NEK9: variants seen among roughly 807,000 people sequenced by gnomAD.
NEK9 encodes NIMA related kinase 9, also known as serine/threonine-protein kinase Nek9.
In NEK9, 75 loss-of-function variants were observed where a neutral mutation model predicts 123.4. That is an observed-to-expected ratio of 0.61 (90% CI 0.50 to 0.74). The LOEUF is 0.74. Among genes scored for constraint, NEK9 ranks in the 30% least tolerant of loss-of-function variants. The probability of loss-of-function intolerance (pLI) is 0.00; values close to 1 mark genes in which losing one functional copy is unlikely to be tolerated. For missense variants in NEK9, 952 were observed against 1,214.4 expected (o/e 0.78, Z 3.21); for synonymous variants, 438 against 458.7 (o/e 0.95, Z 0.58).
chr14:75,109,537 A>G, intron 10 of NEK9, 148 bp downstream of exon 10: 1 of 680,204 alleles, frequency 1.5e-6, no homozygotes, highest in Non-Finnish European at 2.4e-6. Flanking sequence ...AAACAGACAA[A>G]ATCCCTGCTC....
At chr14:75,111,859 C>T (rs184928140) in intron 8 of NEK9, among the ~76,000 whole-genome samples, 219 of 152,134 alleles carry the variant, frequency 1.4e-3, no homozygotes, top group African/African-American at 5.1e-3. Flanking sequence ...CCACTGCACT[C>T]CAGCCTGGGC....
chr14:75,110,291 AT>A, intron 9 of NEK9, 29 bp downstream of exon 9: 1 of 1,562,212 alleles, frequency 6.4e-7, no homozygotes, highest in African/African-American at 1.4e-5. Flanking sequence ...TTTCGGATAT[AT>A]TAGTTTTTAA....
At chr14:75,108,514 CGTGTGTGT>C (rs35358755) in intron 10 of NEK9, among the ~76,000 whole-genome samples, 93 of 147,916 alleles carry the variant, frequency 6.3e-4, no homozygotes, top group East Asian at 3.6e-3. Flanking sequence ...TGTGCGTGTG[CGTGTGTGT>C]GTGTGTGTGT....
At chr14:75,107,241 G>T in intron 11 of NEK9, 102 bp downstream of exon 11, 2 of 1,244,892 alleles carry the variant, frequency 1.6e-6, no homozygotes, top group South Asian at 1.4e-5. Context: ...CTGGTTCTTT[G>T]TATACTGTCT....
At chr14:75,093,357 A>C (rs777327739) in intron 18 of NEK9, among the ~76,000 whole-genome samples, 2 of 152,232 alleles carry the variant, frequency 1.3e-5, no homozygotes, top group Non-Finnish European at 2.9e-5. Context: ...CCTCCTACCC[A>C]GATGAAACCA....
chr14:75,125,763 A>G (rs554346324), intron 1 of NEK9, among the ~76,000 whole-genome samples: 3 of 152,344 alleles, frequency 2.0e-5, no homozygotes, highest in East Asian at 3.9e-4. Context: ...TTTCAGCCTT[A>G]AAAGTATGCT....
chr14:75,111,295 C>T (rs1894950833), intron 8 of NEK9, among the ~76,000 whole-genome samples: 1 of 152,184 alleles, frequency 6.6e-6, no homozygotes, highest in Non-Finnish European at 1.5e-5. Context: ...TCAATTATAG[C>T]TGAGCTCCTA....
intron 8 of NEK9, among the ~76,000 whole-genome samples, chr14:75,110,672 A>G (rs988567861): frequency 2.0e-5 from 3 of 151,902 alleles, no homozygotes; most frequent in African/African-American, 7.3e-5. Context: ...TTAGTATCTG[A>G]TGGACACCTT....
At chr14:75,105,428 G>A (rs1894737923) in intron 13 of NEK9, among the ~76,000 whole-genome samples, 1 of 152,202 alleles carries the variant, frequency 6.6e-6, no homozygotes, top group Non-Finnish European at 1.5e-5. Context: ...AGATGTGACT[G>A]TGCTTTTCCC....
In NEK9 at chr14:75,082,047, G is replaced by A. The variant is rs575782343; in HGVS notation, c.*2517C>T. 38 of 152,276 alleles carry A rather than the reference G, an allele frequency of 2.5e-4. 1 individual carries two copies. The highest frequency in any genetic ancestry group is 2.3e-3 in the South Asian group (11 of 4,826). 9.4% of individuals were successfully genotyped at this position (152,276 alleles called of 1,614,324 possible). ...AAGACTCACAGAATCAAAGATTCACGGAGGCTTAGAATCTGGATGTTTTAT... is the reference window on the plus strand; with the variant it reads ...AAGACTCACAGAATCAAAGATTCACAGAGGCTTAGAATCTGGATGTTTTAT... On this transcript the variant is annotated 3_prime_UTR_variant, in exon 22 of 22. Coordinates refer to ENST00000238616, the MANE Select transcript of NEK9 (RefSeq NM_033116.6).
chr14:75,121,252 G>T, intron 2 of NEK9, 78 bp from the exon 3 acceptor site: 2 of 1,086,348 alleles, frequency 1.8e-6, no homozygotes, highest in South Asian at 2.7e-5. Flanking sequence ...TTTTTTAGGT[G>T]ACACAAGGAA....
chr14:75,101,726 C>T lies in NEK9; in HGVS notation c.1771G>A (p.Ala591Thr). Residue 591 changes from alanine to threonine, a missense_variant, in exon 15 of 22, where the codon GCC (alanine) becomes ACC (threonine). Transcript: ENST00000238616. ...ATCTTATAAAAGGACAACTGTTTGG[C>T]CAAGGTAAAGGACGTTGTGTAGGGA... is the stretch of plus-strand genomic sequence containing the variant. ...EVPYTTSFTL[A>T]KQLSFYKIRT... The T allele has an allele frequency of 6.2e-7, 1 of 1,613,888 alleles. No individual in the cohort carries two copies. The highest frequency in any genetic ancestry group is 1.3e-5 in the African/African-American group (1 of 74,990).
intron 12 of NEK9, 108 bp downstream of exon 12, chr14:75,106,387 ATTTACTG>A (rs1470870345): frequency 1.7e-5 from 10 of 600,668 alleles, no homozygotes; most frequent in South Asian, 3.7e-5. Flanking sequence ...AAAAAAAAAG[ATTTACTG>A]AATTAACACT....
Position 75,121,101 on chromosome 14 carries a change from C to T in NEK9, c.453+18G>A. On this transcript the variant is annotated intron_variant, in intron 3 of 21. Coordinates refer to ENST00000238616, the MANE Select transcript of NEK9 (RefSeq NM_033116.6). Reference sequence around the variant, plus strand: ...CAACACTACAATTCTAACTTCCTTCCACAGAAATATGAATTACCTCTTCCT... The same window carrying T: ...CAACACTACAATTCTAACTTCCTTCTACAGAAATATGAATTACCTCTTCCT... The T allele has an allele frequency of 6.3e-7, 1 of 1,593,802 alleles. No homozygotes were observed. The highest frequency in any genetic ancestry group is 8.6e-7 in the Non-Finnish European group (1 of 1,161,592).
At chr14:75,106,356 CT>C (rs1894772942) in intron 12 of NEK9, 145 bp downstream of exon 12, 1 of 650,660 alleles carries the variant, frequency 1.5e-6, no homozygotes, top group Non-Finnish European at 2.4e-6. Flanking sequence ...GAGACTCTGT[CT>C]CGAGAAAAAA....
At chr14:75,120,089 T>C (rs1284416495) in intron 4 of NEK9, among the ~76,000 whole-genome samples, 1 of 152,226 alleles carries the variant, frequency 6.6e-6, no homozygotes, top group Non-Finnish European at 1.5e-5. Context: ...TTTTTAAAGA[T>C]CTGGTAAATT....
intron 12 of NEK9, 141 bp downstream of exon 12, chr14:75,106,361 G>C: frequency 3.3e-6 from 1 of 298,952 alleles, no homozygotes; most frequent in Non-Finnish European, 5.8e-6. Context: ...TCTGTCTCGA[G>C]AAAAAAAAAA....
At chr14:75,113,877 G>A (rs1895041220) in intron 7 of NEK9, among the ~76,000 whole-genome samples, 1 of 152,168 alleles carries the variant, frequency 6.6e-6, no homozygotes, top group Admixed American at 6.5e-5. Context: ...CAGACATTCT[G>A]TATTAGAAGT....
At position 75,124,360 on chromosome 14, in the gene NEK9, A is replaced by G. The variant is rs962330219; in HGVS notation, c.220-137T>C. On this transcript the variant is annotated intron_variant, in intron 1 of 21. Coordinates refer to ENST00000238616, the MANE Select transcript of NEK9 (RefSeq NM_033116.6). The stretch of plus-strand genomic sequence containing the variant: ...TCCTCTTATTTTTTCCTTTTAACAG[A>G]CTTTAAAGGTTATGTGTACAATTTA... 6.5e-5 allele frequency: 43 copies of G among 661,508 alleles called. No homozygotes were observed. The African/African-American group carries it at 7.4e-4, about 11-fold the overall frequency. The allele number at this position is 661,508 out of a possible 1,614,324, so 41.0% of individuals were successfully genotyped here. A position where few individuals can be genotyped will look rare whatever the true frequency, so the allele number is the denominator to read the frequency against.
Sources: gnomAD v4.1 joint callset for allele counts (sites outside exome capture counted in the v4.1 genomes callset) on GRCh38, gnomAD v4.1.1 for gene constraint, MANE v1.5 for transcripts, NCBI Gene and HGNC (gene_info 2026-07-23, HGNC 2026-07-21) for gene names.